Variants in ANGPT1 observed in about 807,000 individuals in gnomAD.
ANGPT1 encodes angiopoietin 1, also known as angiopoietin-1.
Under a neutral mutation model 62.2 loss-of-function variants are expected in ANGPT1, and 17 were observed. The ratio of observed to expected loss-of-function variants is 0.27; its 90% confidence interval spans 0.19 to 0.41. ANGPT1 has a LOEUF of 0.41. ANGPT1 is among the 10% of genes least tolerant of loss of function. The pLI, the probability that ANGPT1 is intolerant of heterozygous loss-of-function variation, is 1.00. For missense variants in ANGPT1, 478 were observed against 594.9 expected, an observed-to-expected ratio of 0.80 and a Z score of 2.04; for synonymous variants, 199 against 198.9, an observed-to-expected ratio of 1.00 and a Z score of 0.00.
intron 1 of ANGPT1, among the ~76,000 whole-genome samples, chr8:107,363,045 C>A (rs993847547): frequency 2.7e-5 from 4 of 150,486 alleles, no homozygotes; most frequent in Non-Finnish European, 5.9e-5. Context: ...TAACATGGTG[C>A]TATGGAGAGC....
At chr8:107,441,519 C>A (rs1450624142) in intron 1 of ANGPT1, among the ~76,000 whole-genome samples, 2 of 152,130 alleles carry the variant, frequency 1.3e-5, no homozygotes, top group Non-Finnish European at 2.9e-5. Context: ...TAATGTGGTA[C>A]CCCATTGCCA....
At chr8:107,366,459 C>G (rs986111464) in intron 1 of ANGPT1, among the ~76,000 whole-genome samples, 1 of 152,134 alleles carries the variant, frequency 6.6e-6, no homozygotes, top group African/African-American at 2.4e-5. Flanking sequence ...AAAAATATAA[C>G]TGGCAAAACC....
chr8:107,489,335 C>A (rs1390240897), intron 1 of ANGPT1, among the ~76,000 whole-genome samples: 1 of 152,106 alleles, frequency 6.6e-6, no homozygotes, highest in Admixed American at 6.5e-5. Context: ...GAGTTCAACA[C>A]AAACTTAGGA....
chr8:107,465,732 C>T (rs1168857213), intron 1 of ANGPT1, among the ~76,000 whole-genome samples: 2 of 152,090 alleles, frequency 1.3e-5, no homozygotes, highest in Non-Finnish European at 2.9e-5. Context: ...TCCAGATAAC[C>T]ATATTATTCT....
intron 1 of ANGPT1, among the ~76,000 whole-genome samples, chr8:107,461,952 A>G (rs1480386341): frequency 5.3e-5 from 8 of 152,118 alleles, no homozygotes; most frequent in African/African-American, 1.9e-4. Flanking sequence ...CAGTTTAGTA[A>G]ACAAACCACT....
chr8:107,251,602 C>T lies in ANGPT1; in HGVS notation c.*253G>A, dbSNP rs1362343852. ...CACAGCAAGCTCAGCAGTTTCTTCC[C>T]TTTTTAAAGCCCGACAGTCAGTGGA... is the stretch of plus-strand genomic sequence containing the variant. On this transcript the variant is annotated 3_prime_UTR_variant, in exon 9 of 9. Transcript: ENST00000517746. The T allele has an allele frequency of 2.5e-6, 1 of 398,754 alleles. No individual in the cohort carries two copies. Among genetic ancestry groups the T allele is most frequent in the East Asian group, 4.0e-5 (1 of 24,938 alleles). 24.7% of individuals were successfully genotyped at this position (398,754 alleles called of 1,614,324 possible). A position where few individuals can be genotyped will look rare whatever the true frequency, so the allele number is the denominator to read the frequency against.
intron 1 of ANGPT1, among the ~76,000 whole-genome samples, chr8:107,430,426 C>T (rs974820506): frequency 2.2e-4 from 34 of 152,308 alleles, no homozygotes; most frequent in Admixed American, 7.2e-4. Context: ...ATACTTTGAG[C>T]TCCTTGAGGG....
chr8:107,410,699 T>C (rs768715903), intron 1 of ANGPT1, among the ~76,000 whole-genome samples: 2 of 152,176 alleles, frequency 1.3e-5, no homozygotes, highest in Admixed American at 6.6e-5. Context: ...TACCAGAACA[T>C]GTGACTTAAC....
intron 2 of ANGPT1, among the ~76,000 whole-genome samples, chr8:107,342,782 TACACAC>T (rs751210643): frequency 0.032 from 4,470 of 138,514 alleles, 118 homozygotes; most frequent in African/African-American, 0.055. Flanking sequence ...AACTGCCTAA[TACACAC>T]ACACACACAC....
intron 1 of ANGPT1, among the ~76,000 whole-genome samples, chr8:107,394,253 C>T (rs1202672796): frequency 6.6e-6 from 1 of 152,170 alleles, no homozygotes; most frequent in Non-Finnish European, 1.5e-5. Flanking sequence ...GTCATTCCCA[C>T]TTTCTCTAGT....
At chr8:107,427,292 C>T (rs1205106482) in intron 1 of ANGPT1, among the ~76,000 whole-genome samples, 1 of 152,162 alleles carries the variant, frequency 6.6e-6, no homozygotes, top group Admixed American at 6.5e-5. Flanking sequence ...TTCAACGTTC[C>T]TGCACTGTCT....
At chr8:107,375,673 GCCA>G (rs1816516604) in intron 1 of ANGPT1, among the ~76,000 whole-genome samples, 1 of 152,144 alleles carries the variant, frequency 6.6e-6, no homozygotes, top group Admixed American at 6.5e-5. Context: ...GTTTAGGACT[GCCA>G]CCAAGGGTAA....
chr8:107,312,248 C>T (rs1814890280), intron 4 of ANGPT1, among the ~76,000 whole-genome samples: 1 of 152,164 alleles, frequency 6.6e-6, no homozygotes, highest in South Asian at 2.1e-4. Context: ...TGTTCAGGAG[C>T]TCATTTTATT....
intron 1 of ANGPT1, among the ~76,000 whole-genome samples, chr8:107,357,932 G>A (rs1358170956): frequency 6.6e-6 from 1 of 152,096 alleles, no homozygotes; most frequent in African/African-American, 2.4e-5. Context: ...TTTTTAGGCT[G>A]TTATTACCTT....
intron 1 of ANGPT1, among the ~76,000 whole-genome samples, chr8:107,479,406 T>C (rs1164109335): frequency 6.6e-6 from 1 of 152,190 alleles, no homozygotes; most frequent in Admixed American, 6.6e-5. Context: ...ATATGTAATG[T>C]AATAAGCAAA....
rs73702069 is a variant in ANGPT1, at chr8:107,430,778, C to A, written c.297+66484G>T. 8.1e-3 allele frequency among the ~76,000 whole-genome samples: 1,226 copies of A among 152,262 alleles called. 15 individuals are homozygous for A. The highest frequency in any genetic ancestry group is 0.028 in the African/African-American group (1,160 of 41,548). On this transcript the variant is annotated intron_variant, in intron 1 of 8. Transcript: ENST00000517746. ...AAAGAAATCTATTCTCCCTTTAGGG[C>A]CTCCAAAAGGAACCAACTTTGCCTA...
At chr8:107,345,314 A>G (rs1268722717) in intron 2 of ANGPT1, among the ~76,000 whole-genome samples, 1 of 152,182 alleles carries the variant, frequency 6.6e-6, no homozygotes, top group African/African-American at 2.4e-5. Flanking sequence ...ATTTTCAATA[A>G]AGTACACATC....
At chr8:107,428,306 T>G (rs745366183) in intron 1 of ANGPT1, among the ~76,000 whole-genome samples, 29 of 152,210 alleles carry the variant, frequency 1.9e-4, no homozygotes, top group Admixed American at 6.5e-5. Flanking sequence ...TGTGTCTAGC[T>G]CATGCTGGGC....
chr8:107,376,954 C>T (rs552213385), intron 1 of ANGPT1, among the ~76,000 whole-genome samples: 25 of 152,226 alleles, frequency 1.6e-4, no homozygotes, highest in African/African-American at 5.5e-4. Context: ...AGATCAAGTA[C>T]ATTTTTTTTT....
Sources: gnomAD v4.1 joint callset for allele counts (sites outside exome capture counted in the v4.1 genomes callset) on GRCh38, gnomAD v4.1.1 for gene constraint, MANE v1.5 for transcripts, NCBI Gene and HGNC (gene_info 2026-07-23, HGNC 2026-07-21) for gene names.